ZNF280D: variants seen among roughly 807,000 people sequenced by gnomAD.
ZNF280D encodes the protein suppressor of hairy wing homolog 4.
Under a neutral mutation model 94.7 loss-of-function variants are expected in ZNF280D, and 39 were observed. That is an observed-to-expected ratio of 0.41 (90% CI 0.32 to 0.54). ZNF280D has a LOEUF of 0.54. ZNF280D is among the 20% of genes least tolerant of loss of function. The pLI, the probability that ZNF280D is intolerant of heterozygous loss-of-function variation, is 0.22. For synonymous variants in ZNF280D, 398 were observed against 377.6 expected, an observed-to-expected ratio of 1.05 and a Z score of -0.63; for missense variants, 1,090 against 1,149.3, an observed-to-expected ratio of 0.95 and a Z score of 0.75.
chr15:56,702,040 A>AC (rs201626349), intron 4 of ZNF280D, among the ~76,000 whole-genome samples: 10 of 149,972 alleles, frequency 6.7e-5, no homozygotes, highest in Admixed American at 6.7e-4. Flanking sequence ...AAAAAAAAAA[A>AC]CCACCCACCA....
At chr15:56,669,123 T>G (rs1468732972) in intron 13 of ZNF280D, among the ~76,000 whole-genome samples, 166 bp from the exon 14 acceptor site, 1 of 152,042 alleles carries the variant, frequency 6.6e-6, no homozygotes, top group Non-Finnish European at 1.5e-5. Flanking sequence ...TTAAAAGTCA[T>G]TACATTAGTA....
intron 19 of ZNF280D, chr15:56,653,827 C>T (rs904194761): frequency 4.2e-5 from 52 of 1,245,276 alleles, no homozygotes; most frequent in East Asian, 2.0e-4. Flanking sequence ...TTTTAGACAG[C>T]GCAAACTGGA....
intron 12 of ZNF280D, 23 bp from the exon 13 acceptor site, chr15:56,676,839 G>A: frequency 6.5e-7 from 1 of 1,546,828 alleles, no homozygotes; most frequent in African/African-American, 1.4e-5. Context: ...AGAAGGCTTA[G>A]TTTAACTTGA....
intron 4 of ZNF280D, among the ~76,000 whole-genome samples, chr15:56,703,684 T>C (rs1254942214): frequency 6.6e-6 from 1 of 151,910 alleles, no homozygotes; most frequent in Non-Finnish European, 1.5e-5. Context: ...TGAGACCCTG[T>C]CTCTACAAAA....
At chr15:56,657,410 T>G (rs183706982) in intron 17 of ZNF280D, among the ~76,000 whole-genome samples, 2 of 152,174 alleles carry the variant, frequency 1.3e-5, no homozygotes, top group Non-Finnish European at 2.9e-5. Flanking sequence ...CTTTAAGAGA[T>G]AGCTTAGCTA....
intron 21 of ZNF280D, among the ~76,000 whole-genome samples, chr15:56,632,511 T>C (rs2052132390): frequency 6.6e-6 from 1 of 150,714 alleles, no homozygotes; most frequent in African/African-American, 2.4e-5. Flanking sequence ...TTTTTTTTTT[T>C]TTTTGAGACA....
chr15:56,668,351 T>C (rs1425442950), intron 14 of ZNF280D: 2 of 332,560 alleles, frequency 6.0e-6, no homozygotes, highest in African/African-American at 4.5e-5. Flanking sequence ...TAAAACACAA[T>C]GCTATCCAGC....
In ZNF280D at chr15:56,644,950, G is replaced by A. The variant is rs375178762; in HGVS notation, c.2214-1953C>T. 3.5e-4 allele frequency among the ~76,000 whole-genome samples: 53 copies of A among 152,156 alleles called. No homozygotes were observed. The South Asian group carries it at 8.1e-3, about 23-fold the overall frequency. ...AGTACTCTCTTTAAGGAACAGAATC[G>A]TAATAACTAGTGAACACATTTAGAA... On this transcript the variant is annotated intron_variant, in intron 19 of 21. Transcript: ENST00000267807.
intron 3 of ZNF280D, among the ~76,000 whole-genome samples, chr15:56,705,195 CT>C (rs547977996): frequency 7.9e-5 from 12 of 152,020 alleles, no homozygotes; most frequent in Non-Finnish European, 1.6e-4. Context: ...TATCATGAAA[CT>C]TTTTTCTCTA....
At chr15:56,725,220 G>GT (rs781107122) in intron 1 of ZNF280D, among the ~76,000 whole-genome samples, 1 of 151,596 alleles carries the variant, frequency 6.6e-6, no homozygotes, top group Non-Finnish European at 1.5e-5. Flanking sequence ...GTCAAAATGC[G>GT]TATCAACTCA....
intron 6 of ZNF280D, chr15:56,699,824 T>C (rs1193378862): frequency 6.5e-6 from 1 of 153,444 alleles, no homozygotes; most frequent in Non-Finnish European, 1.4e-5. Context: ...GTGTAGAGAG[T>C]TAATAAAACT....
intron 1 of ZNF280D, among the ~76,000 whole-genome samples, chr15:56,723,424 T>C (rs1438585213): frequency 6.6e-6 from 1 of 152,202 alleles, no homozygotes; most frequent in East Asian, 1.9e-4. Flanking sequence ...ACAGGTTTCC[T>C]TTTGAGGAGC....
intron 1 of ZNF280D, among the ~76,000 whole-genome samples, chr15:56,713,810 T>A (rs1165511257): frequency 3.9e-5 from 6 of 152,164 alleles, no homozygotes; most frequent in Admixed American, 3.9e-4. Flanking sequence ...GTACATCCCC[T>A]TACTATCCAT....
At chr15:56,663,353 C>A (rs1403712851) in intron 16 of ZNF280D, among the ~76,000 whole-genome samples, 1 of 149,382 alleles carries the variant, frequency 6.7e-6, no homozygotes, top group East Asian at 2.0e-4. Flanking sequence ...GGAAGATTAA[C>A]CAACTTACAG....
chr15:56,676,530 T>C lies in ZNF280D; in HGVS notation c.1410+140A>G, dbSNP rs186917207. ...AAAGAAGTGGAATTTTCACAAGCAA[T>C]TCAACTTGAAGTGTAAATTAATAGT... is the stretch of plus-strand genomic sequence containing the variant. On this transcript the variant is annotated intron_variant, in intron 13 of 21. Transcript: ENST00000267807. 1.6e-5 allele frequency: 10 copies of C among 608,818 alleles called. No homozygotes were observed. In the East Asian group the frequency reaches 2.3e-4, roughly 14 times the overall value. 37.7% of individuals were successfully genotyped at this position (608,818 alleles called of 1,614,324 possible). A position where few individuals can be genotyped will look rare whatever the true frequency, so the allele number is the denominator to read the frequency against.
At chr15:56,632,191 G>C in intron 21 of ZNF280D, 69 bp from the exon 22 acceptor site, 2 of 1,323,680 alleles carry the variant, frequency 1.5e-6, no homozygotes, top group Non-Finnish European at 2.0e-6. Context: ...TCAAAATAAA[G>C]ACGTGTTCTA....
chr15:56,671,465 T>C (rs761259510), intron 13 of ZNF280D, among the ~76,000 whole-genome samples: 1 of 152,120 alleles, frequency 6.6e-6, no homozygotes, highest in African/African-American at 2.4e-5. Context: ...TTGTCAGGTT[T>C]GTCGAAGATC....
chr15:56,725,269 A>G (rs1567046458), intron 1 of ZNF280D, among the ~76,000 whole-genome samples: 1 of 152,092 alleles, frequency 6.6e-6, no homozygotes, highest in African/African-American at 2.4e-5. Flanking sequence ...AAAAATCCCA[A>G]ACCTGATCAA....
intron 1 of ZNF280D, among the ~76,000 whole-genome samples, chr15:56,720,972 G>GGGC (rs1555428070): frequency 2.0e-5 from 1 of 51,092 alleles, no homozygotes; most frequent in Admixed American, 1.3e-4. Flanking sequence ...ATTTTTTTTG[G>GGGC]GGGGGGGGGG....
Sources: allele counts gnomAD v4.1 joint callset (sites outside exome capture counted in the v4.1 genomes callset), GRCh38; gene constraint gnomAD v4.1.1; transcripts MANE v1.5; gene names NCBI Gene and HGNC (gene_info 2026-07-23, HGNC 2026-07-21).